The following MCPH1 variants were observed in gnomAD, a reference collection of about 807,000 sequenced individuals.
The protein encoded by MCPH1 is microcephalin 1.
MCPH1 carries 104 observed loss-of-function variants against 84.5 expected under a neutral mutation model. That is an observed-to-expected ratio of 1.23 (90% CI 1.05 to 1.45). MCPH1 has a LOEUF of 1.45. Among genes scored for constraint, MCPH1 ranks in the 40% most tolerant of loss-of-function variants. MCPH1 has a pLI of 0.00. For missense variants in MCPH1, 1,498 were observed against 1,005.7 expected (o/e 1.49, Z -6.62); for synonymous variants, 514 against 366.8 (o/e 1.40, Z -4.58).
At position 6,409,363 on chromosome 8, in the gene MCPH1, G is replaced by C. The variant is rs780603646; in HGVS notation, c.107G>C (p.Gly36Ala). ...KTFTTQLVDM[G>A]AKVSKTFNKQ... ...TTTACAACACAGCTTGTGGATATGG[G>C]GGCAAAGGTAAGACACTTATTTTGC... The change falls in exon 2 of 14, where the codon GGG becomes GCG. Residue 36 changes from glycine (G) to alanine (A), a missense_variant. Physicochemically the swap from Gly to Ala is moderately conservative, Grantham distance 60 (BLOSUM62 0). Coordinates refer to ENST00000344683, the MANE Select transcript of MCPH1 (RefSeq NM_024596.5). 1 of 1,612,206 alleles carries C rather than the reference G, an allele frequency of 6.2e-7. No individual in the cohort carries two copies. Among genetic ancestry groups the C allele is most frequent in the African/African-American group, 1.3e-5 (1 of 74,950 alleles).
chr8:6,466,793 C>T (rs1201128792), intron 9 of MCPH1, among the ~76,000 whole-genome samples: 1 of 151,908 alleles, frequency 6.6e-6, no homozygotes, highest in Non-Finnish European at 1.5e-5. Context: ...CCAGGTTGGT[C>T]TCAAACTCCT....
chr8:6,468,317 CT>C (rs1015039508), intron 9 of MCPH1, among the ~76,000 whole-genome samples: 12 of 152,138 alleles, frequency 7.9e-5, no homozygotes, highest in Admixed American at 1.3e-4. Flanking sequence ...TGCATGCCCC[CT>C]ATGCTGTCCT....
chr8:6,443,505 A>T lies in MCPH1; in HGVS notation c.671-888A>T, dbSNP rs185035102. On this transcript the variant is annotated intron_variant, in intron 7 of 13. Coordinates refer to ENST00000344683, the MANE Select transcript of MCPH1 (RefSeq NM_024596.5). ...GTTCTAACACTTACGTGACCTCCAG[A>T]TTGAGTGATTTCTACAAAACACAGG... Among the ~76,000 whole-genome samples the T allele has an allele frequency of 2.4e-4, 37 of 151,756 alleles. No homozygotes were observed. In the East Asian group the frequency reaches 6.9e-3, roughly 28 times the overall value.
At chr8:6,637,851 G>A (rs903162511) in intron 13 of MCPH1, among the ~76,000 whole-genome samples, 4 of 152,110 alleles carry the variant, frequency 2.6e-5, no homozygotes, top group African/African-American at 4.8e-5. Flanking sequence ...GACCAGGGAC[G>A]TATCGATGGA....
intron 12 of MCPH1, among the ~76,000 whole-genome samples, chr8:6,569,859 C>G (rs912543236): frequency 1.3e-5 from 2 of 152,196 alleles, no homozygotes; most frequent in Non-Finnish European, 2.9e-5. Context: ...GCCAGAGACT[C>G]TTAGCGGCCT....
In MCPH1 at chr8:6,409,358, T is replaced by A. The variant is rs1798215727; in HGVS notation, c.102T>A (p.Asp34Glu). 2.5e-6 allele frequency: 4 copies of A among 1,613,118 alleles called. No homozygotes were observed. Among genetic ancestry groups the A allele is most frequent in the Non-Finnish European group, 3.4e-6 (4 of 1,179,142 alleles). Residue 34 changes from aspartate (D) to glutamate (E), a missense_variant, in exon 2 of 14, where the codon GAT (aspartate) becomes GAA (glutamate). Transcript: ENST00000344683. ...YSKTFTTQLV[D>E]MGAKVSKTFN... ...AGACATTTACAACACAGCTTGTGGA[T>A]ATGGGGGCAAAGGTAAGACACTTAT...
At chr8:6,627,797 G>A (rs910954587) in intron 13 of MCPH1, among the ~76,000 whole-genome samples, 3 of 152,132 alleles carry the variant, frequency 2.0e-5, no homozygotes, top group African/African-American at 4.8e-5. Context: ...AGGCTAAGGT[G>A]GGAGGATCAC....
chr8:6,434,633 C>T (rs1401708678), intron 4 of MCPH1, among the ~76,000 whole-genome samples: 2 of 152,302 alleles, frequency 1.3e-5, no homozygotes, highest in East Asian at 3.9e-4. Context: ...GACATAAAGT[C>T]ATGTTTTTTG....
At chr8:6,543,830 C>T (rs1474299132) in intron 12 of MCPH1, among the ~76,000 whole-genome samples, 3 of 152,038 alleles carry the variant, frequency 2.0e-5, no homozygotes, top group African/African-American at 7.3e-5. Flanking sequence ...TAATTTAAAC[C>T]CCCTGTGTGC....
intron 1 of MCPH1, among the ~76,000 whole-genome samples, chr8:6,408,749 G>T (rs1008160240): frequency 1.3e-5 from 2 of 151,958 alleles, no homozygotes; most frequent in Non-Finnish European, 2.9e-5. Flanking sequence ...TTTTTTTAGA[G>T]ACAGGGTTTC....
intron 12 of MCPH1, among the ~76,000 whole-genome samples, chr8:6,618,013 C>G (rs1223375141): frequency 6.6e-6 from 1 of 152,066 alleles, no homozygotes; most frequent in East Asian, 1.9e-4. Context: ...CTTAAGCAAT[C>G]CAACTACCTC....
intron 13 of MCPH1, among the ~76,000 whole-genome samples, chr8:6,634,689 C>G (rs1797416036): frequency 6.6e-6 from 1 of 152,224 alleles, no homozygotes; most frequent in African/African-American, 2.4e-5. Flanking sequence ...CTTGTGCTCG[C>G]TGCAGAAAAG....
chr8:6,508,803 G>A, intron 12 of MCPH1: 1 of 1,289,216 alleles, frequency 7.8e-7, no homozygotes, highest in Non-Finnish European at 1.1e-6. Context: ...CCTATATCAA[G>A]CTAGTGTGTC....
At chr8:6,637,500 G>C (rs1797640402) in intron 13 of MCPH1, among the ~76,000 whole-genome samples, 1 of 152,180 alleles carries the variant, frequency 6.6e-6, no homozygotes. Flanking sequence ...AATGAAGCTG[G>C]AGAAGCAGGC....
chr8:6,614,955 C>G (rs1438224008), intron 12 of MCPH1, among the ~76,000 whole-genome samples: 5 of 152,036 alleles, frequency 3.3e-5, no homozygotes, highest in Non-Finnish European at 7.4e-5. Context: ...TCCACGTTGT[C>G]TGCATAGTGA....
At chr8:6,507,676 A>G (rs1814055516) in intron 12 of MCPH1, 1 of 148,258 alleles carries the variant, frequency 6.7e-6, no homozygotes, top group African/African-American at 2.5e-5. Context: ...TCCCAGGTTC[A>G]AGCCATTCTC....
chr8:6,412,764 C>T (rs1798719427), intron 2 of MCPH1, among the ~76,000 whole-genome samples: 1 of 152,100 alleles, frequency 6.6e-6, no homozygotes, highest in East Asian at 1.9e-4. Flanking sequence ...AGAATCTCAG[C>T]CCGGTAATTC....
chr8:6,634,817 C>T (rs895608634), intron 13 of MCPH1: 2 of 152,186 alleles, frequency 1.3e-5, no homozygotes, highest in Admixed American at 1.3e-4. Flanking sequence ...CCAAACGTGA[C>T]TTCATTAGTT....
chr8:6,589,128 G>A (rs1828238957), intron 12 of MCPH1, among the ~76,000 whole-genome samples: 1 of 152,216 alleles, frequency 6.6e-6, no homozygotes, highest in Admixed American at 6.5e-5. Flanking sequence ...ATCCTCCTGT[G>A]GGCTCGGGGA....
Sources: gnomAD v4.1 joint callset for allele counts (sites outside exome capture counted in the v4.1 genomes callset) on GRCh38, gnomAD v4.1.1 for gene constraint, MANE v1.5 for transcripts, NCBI Gene and HGNC (gene_info 2026-07-23, HGNC 2026-07-21) for gene names.